Variants in ELOVL6 observed in about 807,000 individuals in gnomAD.
The protein encoded by ELOVL6 is ELOVL fatty acid elongase 6.
ELOVL6 carries 8 observed loss-of-function variants against 31.7 expected under a neutral mutation model. That is an observed-to-expected ratio of 0.25 (90% CI 0.15 to 0.45). The LOEUF (loss-of-function observed/expected upper bound fraction) is 0.45. ELOVL6 is among the 20% of genes least tolerant of loss of function. The probability of loss-of-function intolerance (pLI) is 1.00; values close to 1 mark genes in which losing one functional copy is unlikely to be tolerated. For synonymous variants in ELOVL6, 101 were observed against 117.7 expected (o/e 0.86, Z 0.92); for missense variants, 126 against 326.4 (o/e 0.39, Z 4.73).
intron 1 of ELOVL6, among the ~76,000 whole-genome samples, chr4:110,143,157 G>GCAAAA (rs1399953926): frequency 6.6e-6 from 1 of 152,008 alleles, no homozygotes; most frequent in Non-Finnish European, 1.5e-5. Flanking sequence ...TCATTAAAAA[G>GCAAAA]CAAAACAAAA....
chr4:110,121,598 C>T (rs1757358750), intron 1 of ELOVL6, among the ~76,000 whole-genome samples: 1 of 152,124 alleles, frequency 6.6e-6, no homozygotes. Context: ...ACTCGGGAGG[C>T]TGAGGCAGGA....
At chr4:110,084,525 TACACTTACACACACAC>T (rs1245412468) in intron 2 of ELOVL6, among the ~76,000 whole-genome samples, 12 of 90,622 alleles carry the variant, frequency 1.3e-4, no homozygotes, top group African/African-American at 5.8e-4. Context: ...ATACATTATA[TACACTTACACACACAC>T]ACACACACAC....
chr4:110,096,846 A>C (rs1756592781), intron 2 of ELOVL6, among the ~76,000 whole-genome samples: 1 of 152,194 alleles, frequency 6.6e-6, no homozygotes, highest in South Asian at 2.1e-4. Flanking sequence ...TAATATAATA[A>C]ATAGCTGCAA....
rs148246022 is a variant in ELOVL6 at position 110,104,316 on chromosome 4, A to C, written c.221+1181T>G. 5.2e-3 allele frequency among the ~76,000 whole-genome samples: 789 copies of C among 152,342 alleles called. 14 individuals carry two copies. Among genetic ancestry groups the C allele is most frequent in the Admixed American group, 0.027 (419 of 15,298 alleles). ...ATTATAGAGAATCATGATCTGATAC[A>C]GATTGAACTGGAAGGAGATTTTAGT... On this transcript the variant is annotated intron_variant, in intron 2 of 3. Transcript: ENST00000302274.
intron 1 of ELOVL6, among the ~76,000 whole-genome samples, chr4:110,142,829 C>T (rs1758002198): frequency 6.6e-6 from 1 of 152,154 alleles, no homozygotes; most frequent in South Asian, 2.1e-4. Flanking sequence ...CATACCAATC[C>T]TTCAATATAA....
chr4:110,175,673 C>T (rs1009758243), intron 1 of ELOVL6, among the ~76,000 whole-genome samples: 1 of 152,120 alleles, frequency 6.6e-6, no homozygotes, highest in African/African-American at 2.4e-5. Flanking sequence ...GGTTACAAAG[C>T]TGAACAAGGA....
intron 1 of ELOVL6, among the ~76,000 whole-genome samples, chr4:110,120,338 T>C (rs1248370282): frequency 3.0e-5 from 2 of 67,068 alleles, no homozygotes; most frequent in African/African-American, 5.4e-5. Context: ...TACCAAAAAA[T>C]AAAAAATAAA....
intron 2 of ELOVL6, among the ~76,000 whole-genome samples, chr4:110,060,792 A>G (rs562524383): frequency 1.8e-4 from 27 of 152,330 alleles, no homozygotes; most frequent in South Asian, 6.2e-4. Context: ...ATCTTACTCT[A>G]GAAGTCAGCT....
At chr4:110,090,606 T>TGTTTTTTTTG (rs201689820) in intron 2 of ELOVL6, among the ~76,000 whole-genome samples, 1 of 139,930 alleles carries the variant, frequency 7.1e-6, no homozygotes, top group African/African-American at 2.8e-5. Context: ...CTTTCTTTTT[T>TGTTTTTTTTG]TTTTTTTTTT....
At chr4:110,159,806 CT>C (rs1412784786) in intron 1 of ELOVL6, among the ~76,000 whole-genome samples, 2 of 152,088 alleles carry the variant, frequency 1.3e-5, no homozygotes, top group Non-Finnish European at 2.9e-5. Context: ...CAGATGACTG[CT>C]CAAAAATTTT....
chr4:110,127,517 CT>C (rs1363645594), intron 1 of ELOVL6, among the ~76,000 whole-genome samples: 3 of 151,666 alleles, frequency 2.0e-5, no homozygotes, highest in African/African-American at 7.3e-5. Context: ...ATTCCTTATC[CT>C]TTTTTAAATG....
At position 110,164,016 on chromosome 4, in the gene ELOVL6, A is replaced by C. The variant is rs565072152; in HGVS notation, c.89+34231T>G. On this transcript the variant is annotated intron_variant, in intron 1 of 3. Coordinates refer to ENST00000302274, the MANE Select transcript of ELOVL6 (RefSeq NM_024090.3). ...CAAAAATGTTGGCTAGGAATTCATT[A>C]CTCAGTTGAAAGCAAAATAATACTA... Among the ~76,000 whole-genome samples, 14 of 152,342 alleles carry C rather than the reference A, an allele frequency of 9.2e-5. No individual in the cohort carries two copies. In the South Asian group the frequency reaches 2.9e-3, roughly 32 times the overall value.
At chr4:110,084,133 T>TAA in intron 2 of ELOVL6, among the ~76,000 whole-genome samples, 1 of 33,278 alleles carries the variant, frequency 3.0e-5, no homozygotes, top group African/African-American at 3.1e-4. Context: ...ATATATGTGA[T>TAA]AATGATATAT....
chr4:110,169,376 C>A (rs559576669), intron 1 of ELOVL6, among the ~76,000 whole-genome samples: 1 of 151,788 alleles, frequency 6.6e-6, no homozygotes, highest in Non-Finnish European at 1.5e-5. Flanking sequence ...GTAGCTGGGA[C>A]TACAGGTGCC....
intron 1 of ELOVL6, among the ~76,000 whole-genome samples, chr4:110,186,263 T>C (rs997503775): frequency 1.3e-5 from 2 of 152,066 alleles, no homozygotes; most frequent in African/African-American, 4.8e-5. Flanking sequence ...TAGGTGACTA[T>C]TCCTGCTGAC....
chr4:110,129,132 G>T (rs1346419875), intron 1 of ELOVL6, among the ~76,000 whole-genome samples: 2 of 152,026 alleles, frequency 1.3e-5, no homozygotes, highest in East Asian at 3.9e-4. Flanking sequence ...AAACTAAATT[G>T]TATTTTGAAA....
intron 1 of ELOVL6, among the ~76,000 whole-genome samples, chr4:110,185,544 C>T (rs1759412995): frequency 6.6e-6 from 1 of 152,072 alleles, no homozygotes; most frequent in Admixed American, 6.6e-5. Flanking sequence ...CAAAAGAGGG[C>T]TAATATTTTA....
At position 110,046,823 on chromosome 4, in the gene ELOVL6, T is replaced by C. The variant is rs544889056; in HGVS notation, c.*4515A>G. On this transcript the variant is annotated 3_prime_UTR_variant, in exon 4 of 4. Transcript: ENST00000302274. ...TGGCAAACTGGGACCTACCCCTTCA[T>C]ACTGATTGTCGGAACAAAATAGAGC... 3 of 152,348 alleles carry C rather than the reference T, an allele frequency of 2.0e-5. No individual in the cohort carries two copies. In the South Asian group the frequency reaches 6.2e-4, roughly 32 times the overall value. 9.4% of individuals were successfully genotyped at this position (152,348 alleles called of 1,614,324 possible).
intron 2 of ELOVL6, among the ~76,000 whole-genome samples, chr4:110,089,240 G>C (rs998243782): frequency 7.9e-5 from 12 of 152,184 alleles, no homozygotes; most frequent in Non-Finnish European, 2.9e-5. Context: ...GGAGACGGTA[G>C]TGTATAAAAA....
Sources: gnomAD v4.1 joint callset for allele counts (sites outside exome capture counted in the v4.1 genomes callset) on GRCh38, gnomAD v4.1.1 for gene constraint, MANE v1.5 for transcripts, NCBI Gene and HGNC (gene_info 2026-07-23, HGNC 2026-07-21) for gene names.